The following ATAD3B variants were observed in gnomAD, a reference collection of about 807,000 sequenced individuals.
ATAD3B encodes ATPase family AAA domain containing 3B.
Under a neutral mutation model 70.2 loss-of-function variants are expected in ATAD3B, and 59 were observed. The ratio of observed to expected loss-of-function variants is 0.84; its 90% CI spans 0.68 to 1.04. ATAD3B has a LOEUF of 1.04. Among genes scored for constraint, ATAD3B ranks in the 50% least tolerant of loss-of-function variants. The pLI is 0.00. For synonymous variants in ATAD3B, 423 were observed against 388.6 expected (o/e 1.09, Z -1.04); for missense variants, 961 against 913.4 (o/e 1.05, Z -0.67).
At chr1:1,473,899 T>G (rs1477865525) in intron 1 of ATAD3B, among the ~76,000 whole-genome samples, 1 of 152,074 alleles carries the variant, frequency 6.6e-6, no homozygotes, top group Admixed American at 6.6e-5. Context: ...GTGGTACTTG[T>G]GGTTCCATCC....
chr1:1,477,425 C>T, intron 2 of ATAD3B, 75 bp downstream of exon 2: 1 of 1,603,506 alleles, frequency 6.2e-7, no homozygotes, highest in Non-Finnish European at 8.5e-7. Flanking sequence ...GGGGCTGCTA[C>T]TGGTGGGTAG....
chr1:1,493,277 C>T (rs764110364), intron 15 of ATAD3B, among the ~76,000 whole-genome samples: 28 of 151,884 alleles, frequency 1.8e-4, no homozygotes, highest in Admixed American at 1.2e-3. Flanking sequence ...GAGCTTCCAG[C>T]GATATGTGGA....
chr1:1,474,941 G>A, intron 1 of ATAD3B, among the ~76,000 whole-genome samples: 1 of 149,790 alleles, frequency 6.7e-6, no homozygotes, highest in Non-Finnish European at 1.5e-5. Context: ...TAGTTCCTGG[G>A]GGTTTTCACC....
rs1557434691 is a variant in ATAD3B, at chr1:1,495,623, C to T, written c.1753C>T (p.Leu585=). Residue 585 remains leucine (L), a synonymous_variant, in exon 16 of 16, where the codon CTA becomes TTA. Transcript: ENST00000673477. ...EGPGRGVEHP[L]SGVQGETLTS... The stretch of plus-strand genomic sequence containing the variant: ...GCCTGGGCGCGGGGTCGAGCACCCC[C>T]TATCCGGAGTCCAAGGCGAGACCCT... 8 of 1,613,042 alleles carry T rather than the reference C, an allele frequency of 5.0e-6. No individual in the cohort carries two copies. Among genetic ancestry groups the T allele is most frequent in the South Asian group, 1.1e-5 (1 of 91,018 alleles).
At chr1:1,487,760 C>G (rs989583318) in intron 11 of ATAD3B, 103 bp from the exon 12 acceptor site, 18 of 1,415,384 alleles carry the variant, frequency 1.3e-5, no homozygotes, top group Non-Finnish European at 1.6e-5. Context: ...AGCCTGACCC[C>G]GTGGGGATCT....
Position 1,489,239 on chromosome 1 carries a change from C to A in ATAD3B, c.1302C>A (p.Asn434Lys). 4 of 1,613,624 alleles carry A rather than the reference C, an allele frequency of 2.5e-6. No individual in the cohort carries two copies. The highest frequency in any genetic ancestry group is 1.7e-6 in the Non-Finnish European group (2 of 1,179,676). The stretch of plus-strand genomic sequence containing the variant: ...GCAAGGACCTCAGAGCCACACTGAA[C>A]GCCTTCCTGTACCACATGGGCCAAC... ...EISKDLRATL[N>K]AFLYHMGQHS... The change falls in exon 13 of 16, where the codon AAC (asparagine) becomes AAA (lysine). Residue 434 changes from asparagine to lysine, a missense_variant. Transcript: ENST00000673477.
At chr1:1,475,782 T>G (rs34954777) in intron 1 of ATAD3B, among the ~76,000 whole-genome samples, 10 of 151,358 alleles carry the variant, frequency 6.6e-5, no homozygotes, top group East Asian at 1.9e-4. Context: ...ATTGTTCTCA[T>G]TCTAATAACC....
At chr1:1,503,556 C>G in the ATAD3B span, 6 of 1,597,928 alleles carry the variant, frequency 3.8e-6, no homozygotes, top group Non-Finnish European at 5.1e-6. Context: ...TATCCTAACA[C>G]CCGCCCTCTG....
intron 7 of ATAD3B, chr1:1,483,342 C>A: frequency 7.8e-6 from 2 of 258,006 alleles, no homozygotes; most frequent in Non-Finnish European, 1.5e-5. Context: ...TGGCGTGCGC[C>A]TGGAATCCCA....
intron 1 of ATAD3B, among the ~76,000 whole-genome samples, chr1:1,472,305 A>C (rs1254903543): frequency 6.6e-6 from 1 of 151,976 alleles, no homozygotes; most frequent in Non-Finnish European, 1.5e-5. Context: ...GGAGCGGGTC[A>C]GGTGCGAAAA....
rs1639965313 is a variant in ATAD3B at position 1,482,401 on chromosome 1, C to G, written c.680+98C>G. On this transcript the variant is annotated intron_variant, in intron 6 of 15. Transcript: ENST00000673477. ...CTCCAGCTCTTCCAGGCCTGGCCGCCATAGGCTGACTCCTTGGTGGGGGCA... is the reference window on the plus strand; with the variant it reads ...CTCCAGCTCTTCCAGGCCTGGCCGCGATAGGCTGACTCCTTGGTGGGGGCA... 4 of 1,583,430 alleles carry G rather than the reference C, an allele frequency of 2.5e-6. No individual in the cohort carries two copies. The East Asian group carries it at 9.2e-5, about 36-fold the overall frequency.
rs536980277 is a variant in ATAD3B, at chr1:1,494,434, C to T, written c.1615-1051C>T. Reference sequence around the variant, plus strand: ...GGGCCCCTGAGCCACAGTGGCGGTGCGGCTCCGGTCAGTGTCTCCTGCGCT... The same window carrying T: ...GGGCCCCTGAGCCACAGTGGCGGTGTGGCTCCGGTCAGTGTCTCCTGCGCT... On this transcript the variant is annotated intron_variant, in intron 15 of 15. Coordinates refer to ENST00000673477, the MANE Select transcript of ATAD3B (RefSeq NM_031921.6). Among the ~76,000 whole-genome samples, 6 of 150,788 alleles carry T rather than the reference C, an allele frequency of 4.0e-5. No homozygotes were observed. The South Asian group carries it at 6.4e-4, about 16-fold the overall frequency.
At chr1:1,499,791 A>G (rs762736212), downstream of ATAD3B, among the ~76,000 whole-genome samples, 12 of 148,506 alleles carry the variant, frequency 8.1e-5, no homozygotes, top group Non-Finnish European at 1.5e-4. Flanking sequence ...ATGGGGTTTC[A>G]CCAGGTTGGT....
rs1398783139 is a variant in ATAD3B at position 1,490,403 on chromosome 1, AGCCGGCCACAGAAGGAAAACGGT to A, written c.1486_1505+3del. 6.2e-7 allele frequency: 1 copy of A among 1,613,302 alleles called. No homozygotes were observed. Among genetic ancestry groups the A allele is most frequent in the Admixed American group, 1.7e-5 (1 of 59,970 alleles). On this transcript the variant is annotated splice_donor_variant and coding_sequence_variant, in exon 14 of 16. Transcript: ENST00000673477. LOFTEE classifies it high-confidence loss of function. ...CTGCATTTTGACAACTGTGTTCTTAAGCCGGCCACAGAAGGAAAACGGTGAGTGTCCCGCCTCACCCGGCCCCC... is the reference window on the plus strand; with the variant it reads ...CTGCATTTTGACAACTGTGTTCTTAAGAGTGTCCCGCCTCACCCGGCCCCC...
chr1:1,475,334 C>T (rs554524562), intron 1 of ATAD3B, among the ~76,000 whole-genome samples: 47 of 151,506 alleles, frequency 3.1e-4, no homozygotes, highest in Non-Finnish European at 5.5e-4. Context: ...GAGGTTTCTC[C>T]GGAGTTGACT....
chr1:1,492,966 C>T lies in ATAD3B; in HGVS notation c.1614+2295C>T, dbSNP rs373429930. ...AAAAAAAAAAAAAGAAAGAAATTAA[C>T]CTGGTGTGGTAGCAGGCACCTGTAA... On this transcript the variant is annotated intron_variant, in intron 15 of 15. Transcript: ENST00000673477. Among the ~76,000 whole-genome samples the T allele has an allele frequency of 2.7e-3, 414 of 150,790 alleles. 1 individual carries two copies. Among genetic ancestry groups the T allele is most frequent in the African/African-American group, 9.5e-3 (389 of 40,946 alleles).
At chr1:1,489,107 C>T (rs1291444756) in intron 12 of ATAD3B, 97 bp from the exon 13 acceptor site, 20 of 1,591,438 alleles carry the variant, frequency 1.3e-5, no homozygotes, top group Non-Finnish European at 1.7e-5. Flanking sequence ...TCGCCACGTC[C>T]CTGCTCCCTG....
At chr1:1,486,316 C>G in intron 10 of ATAD3B, 81 bp downstream of exon 10, 1 of 1,606,354 alleles carries the variant, frequency 6.2e-7, no homozygotes, top group East Asian at 2.2e-5. Context: ...CCTCAGCCGC[C>G]TGGGGAATGG....
At chr1:1,481,948 G>A (rs914561375) in intron 5 of ATAD3B, among the ~76,000 whole-genome samples, 190 bp from the exon 6 acceptor site, 6 of 138,210 alleles carry the variant, frequency 4.3e-5, no homozygotes, top group Non-Finnish European at 6.0e-5. Context: ...GGCGTGGGCC[G>A]GTCCGTGGTG....
Sources: gnomAD v4.1 joint callset for allele counts (sites outside exome capture counted in the v4.1 genomes callset) on GRCh38, gnomAD v4.1.1 for gene constraint, MANE v1.5 for transcripts, NCBI Gene and HGNC (gene_info 2026-07-23, HGNC 2026-07-21) for gene names.